The following ATOH7 variants were observed in gnomAD, a reference collection of about 807,000 sequenced individuals.
ATOH7 encodes the protein atonal bHLH transcription factor 7.
A neutral mutation model predicts 11.0 loss-of-function variants in ATOH7; 11 were observed. The observed-to-expected ratio is 1.00, with a 90% CI of 0.63 to 1.66. ATOH7 has a LOEUF of 1.66. ATOH7 is among the 40% of genes most tolerant of loss of function. ATOH7 has a pLI of 0.00. For synonymous variants in ATOH7, 98 were observed against 98.3 expected (o/e 1.00, Z 0.02); for missense variants, 232 against 219.2 (o/e 1.06, Z -0.37).
rs1589630540 is a variant in ATOH7 at position 68,231,352 on chromosome 10, A to C, written c.326T>G (p.Val109Gly). ...AERFGSERDW[V>G]GLHCEHFGRD... ...GCCGAAGTGCTCACAGTGGAGACCC[A>C]CCCAGTCCCGCTCCGAGCCGAATCG... The change falls in exon 1 of 1, where the codon GTG (valine) becomes GGG (glycine). Residue 109 changes from valine to glycine, a missense_variant. Val to Gly is a moderately radical substitution (Grantham distance 109). Coordinates refer to ENST00000373673, the MANE Select transcript of ATOH7 (RefSeq NM_145178.4). 1 of 1,613,190 alleles carries C rather than the reference A, an allele frequency of 6.2e-7. No individual in the cohort carries two copies.
rs2044022330 is a variant in ATOH7, at chr10:68,230,913, A to C, written c.*306T>G. Reference sequence around the variant, plus strand: ...AGAATAGCTTAATCCTATTTTTCTTAAGATTGTTTTCCCTCAAAGTAGCCC... The same window carrying C: ...AGAATAGCTTAATCCTATTTTTCTTCAGATTGTTTTCCCTCAAAGTAGCCC... On this transcript the variant is annotated 3_prime_UTR_variant, in exon 1 of 1. Transcript: ENST00000373673. 1 of 330,856 alleles carries C rather than the reference A, an allele frequency of 3.0e-6. No homozygotes were observed. Among genetic ancestry groups the C allele is most frequent in the Non-Finnish European group, 5.5e-6 (1 of 181,996 alleles). 20.5% of individuals were successfully genotyped at this position (330,856 alleles called of 1,614,324 possible). A position where few individuals can be genotyped will look rare whatever the true frequency, so the allele number is the denominator to read the frequency against.
Position 68,231,190 on chromosome 10 carries a change from G to A in ATOH7, c.*29C>T. 6.8e-7 allele frequency: 1 copy of A among 1,470,838 alleles called. No homozygotes were observed. The highest frequency in any genetic ancestry group is 1.4e-5 in the African/African-American group (1 of 70,352). The allele number at this position is 1,470,838 out of a possible 1,614,324, so 91.1% of individuals were successfully genotyped here. A position where few individuals can be genotyped will look rare whatever the true frequency, so the allele number is the denominator to read the frequency against. On this transcript the variant is annotated 3_prime_UTR_variant, in exon 1 of 1. Transcript: ENST00000373673. ...AGGGCCGAGGCTCGGAGCGGCTGCC[G>A]GACACCCACCCCCGCGGAGGCGCGC...
chr10:68,231,706 C>G lies in ATOH7; in HGVS notation c.-29G>C, dbSNP rs1322100825. 1 of 1,176,632 alleles carries G rather than the reference C, an allele frequency of 8.5e-7. No individual in the cohort carries two copies. The highest frequency in any genetic ancestry group is 1.6e-5 in the African/African-American group (1 of 61,946). 72.9% of individuals were successfully genotyped at this position (1,176,632 alleles called of 1,614,324 possible). On this transcript the variant is annotated 5_prime_UTR_variant, in exon 1 of 1. Coordinates refer to ENST00000373673, the MANE Select transcript of ATOH7 (RefSeq NM_145178.4). Reference sequence around the variant, plus strand: ...CGGCCCCAAGCAGCGAGGCGCCGACCTCGCACGCCCGCCCGCTCAGGACCT... The same window carrying G: ...CGGCCCCAAGCAGCGAGGCGCCGACGTCGCACGCCCGCCCGCTCAGGACCT...
Position 68,231,062 on chromosome 10 carries a change from G to A in ATOH7, c.*157C>T. On this transcript the variant is annotated 3_prime_UTR_variant, in exon 1 of 1. Transcript: ENST00000373673. ...GGCAATTAAATGATTGCGTCCATAG[G>A]TCTGATGATGCGAATAAAGGTAATC... 2 of 689,012 alleles carry A rather than the reference G, an allele frequency of 2.9e-6. No homozygotes were observed. Among genetic ancestry groups the A allele is most frequent in the Non-Finnish European group, 4.5e-6 (2 of 448,246 alleles). 42.7% of individuals were successfully genotyped at this position (689,012 alleles called of 1,614,324 possible). A position where few individuals can be genotyped will look rare whatever the true frequency, so the allele number is the denominator to read the frequency against.
rs768962996 is a variant in ATOH7 at position 68,231,334 on chromosome 10, T to C, written c.344A>G (p.His115Arg). ...CGGGAGGTAGTGGTCGCGGCCGAAG[T>C]GCTCACAGTGGAGACCCACCCAGTC... ...ERDWVGLHCE[H>R]FGRDHYLPFP... Residue 115 changes from histidine to arginine, a missense_variant, in exon 1 of 1, where the codon CAC (histidine) becomes CGC (arginine). Physicochemically the swap from His to Arg is conservative, Grantham distance 29. Coordinates refer to ENST00000373673, the MANE Select transcript of ATOH7 (RefSeq NM_145178.4). 1 of 1,613,238 alleles carries C rather than the reference T, an allele frequency of 6.2e-7. No individual in the cohort carries two copies. The highest frequency in any genetic ancestry group is 1.3e-5 in the African/African-American group (1 of 75,022).
chr10:68,231,432 C>T lies in ATOH7; in HGVS notation c.246G>A (p.Leu82=), dbSNP rs1029820465. Residue 82 remains leucine (L), a synonymous_variant, in exon 1 of 1, where the codon CTG becomes CTA. Coordinates refer to ENST00000373673, the MANE Select transcript of ATOH7 (RefSeq NM_145178.4). ...QDKKLSKYET[L]QMALSYIMAL... The stretch of plus-strand genomic sequence containing the variant: ...CCATGATGTAGCTCAGGGCCATCTG[C>T]AGGGTCTCGTACTTGGACAGCTTTT... The T allele has an allele frequency of 1.1e-5, 18 of 1,613,398 alleles. No homozygotes were observed. Among genetic ancestry groups the T allele is most frequent in the Non-Finnish European group, 1.5e-5 (18 of 1,179,778 alleles).
Position 68,231,340 on chromosome 10 carries a change from C to G in ATOH7, c.338G>C (p.Cys113Ser). 1 of 1,613,406 alleles carries G rather than the reference C, an allele frequency of 6.2e-7. No homozygotes were observed. Residue 113 changes from cysteine (C) to serine (S), a missense_variant, in exon 1 of 1, where the codon TGT becomes TCT. Transcript: ENST00000373673. ...GSERDWVGLH[C>S]EHFGRDHYLP... ...GTAGTGGTCGCGGCCGAAGTGCTCA[C>G]AGTGGAGACCCACCCAGTCCCGCTC...
rs376033950 is a variant in ATOH7 at position 68,231,512 on chromosome 10, G to A, written c.166C>T (p.Leu56Phe). ...CGTAAGCGGTCGAAGGCAGTGTTGA[G>A]CCCCTGCATGCGGCGGCGCTCGCGC... ...NARERRRMQG[L>F]NTAFDRLRRV... The change falls in exon 1 of 1, where the codon CTC (leucine) becomes TTC (phenylalanine). Residue 56 changes from leucine (L) to phenylalanine (F), a missense_variant. Physicochemically the swap from Leu to Phe is conservative, Grantham distance 22 (BLOSUM62 0). Transcript: ENST00000373673. The A allele has an allele frequency of 1.7e-5, 24 of 1,394,552 alleles. No individual in the cohort carries two copies. The highest frequency in any genetic ancestry group is 1.6e-4 in the Admixed American group (6 of 38,420). The allele number at this position is 1,394,552 out of a possible 1,614,324, so 86.4% of individuals were successfully genotyped here.
Position 68,231,223 on chromosome 10 carries a change from G to C in ATOH7, c.455C>G (p.Thr152Ser), listed in dbSNP as rs555446400. ...GFQPEPFQMA[T>S] is the part of the protein sequence containing the mutation. Reference sequence around the variant, plus strand: ...ACCCCCGCGGAGGCGCGCGCCCTAGGTGGCCATCTGGAAGGGCTCGGGCTG... The same window carrying C: ...ACCCCCGCGGAGGCGCGCGCCCTAGCTGGCCATCTGGAAGGGCTCGGGCTG... The change falls in exon 1 of 1, where the codon ACC (threonine) becomes AGC (serine). Residue 152 changes from threonine to serine, a missense_variant. Physicochemically the swap from Thr to Ser is moderately conservative, Grantham distance 58. Transcript: ENST00000373673. The C allele has an allele frequency of 6.5e-7, 1 of 1,535,654 alleles. No individual in the cohort carries two copies. Among genetic ancestry groups the C allele is most frequent in the Non-Finnish European group, 8.8e-7 (1 of 1,140,896 alleles).
rs201955526 is a variant in ATOH7 at position 68,231,342 on chromosome 10, G to C, written c.336C>G (p.His112Gln). 6.2e-7 allele frequency: 1 copy of C among 1,613,446 alleles called. No individual in the cohort carries two copies. Among genetic ancestry groups the C allele is most frequent in the Admixed American group, 1.7e-5 (1 of 59,972 alleles). ...AGTGGTCGCGGCCGAAGTGCTCACA[G>C]TGGAGACCCACCCAGTCCCGCTCCG... ...FGSERDWVGL[H>Q]CEHFGRDHYL... is the part of the protein sequence containing the mutation. The change falls in exon 1 of 1, where the codon CAC becomes CAG. Residue 112 changes from histidine (H) to glutamine (Q), a missense_variant. Transcript: ENST00000373673.
chr10:68,231,080 A>C lies in ATOH7; in HGVS notation c.*139T>G. On this transcript the variant is annotated 3_prime_UTR_variant, in exon 1 of 1. Coordinates refer to ENST00000373673, the MANE Select transcript of ATOH7 (RefSeq NM_145178.4). The stretch of plus-strand genomic sequence containing the variant: ...TCCATAGGTCTGATGATGCGAATAA[A>C]GGTAATCTGAGAATCGACTAATTTT... 1 of 823,038 alleles carries C rather than the reference A, an allele frequency of 1.2e-6. No individual in the cohort carries two copies. Among genetic ancestry groups the C allele is most frequent in the East Asian group, 3.1e-5 (1 of 32,164 alleles). The allele number at this position is 823,038 out of a possible 1,614,324, so 51.0% of individuals were successfully genotyped here.
chr10:68,231,844 C>T lies in ATOH7; in HGVS notation c.-167G>A. 3.0e-6 allele frequency: 1 copy of T among 336,232 alleles called. No individual in the cohort carries two copies. Among genetic ancestry groups the T allele is most frequent in the Non-Finnish European group, 4.9e-6 (1 of 204,576 alleles). The allele number at this position is 336,232 out of a possible 1,614,324, so 20.8% of individuals were successfully genotyped here. On this transcript the variant is annotated 5_prime_UTR_variant, in exon 1 of 1. Transcript: ENST00000373673. Reference sequence around the variant, plus strand: ...TAGTTTACAGTGGGGGAGTGCGGGACTCGGCCTTCTGTTCTACTGGATGAC... The same window carrying T: ...TAGTTTACAGTGGGGGAGTGCGGGATTCGGCCTTCTGTTCTACTGGATGAC...
rs1302094144 is a variant in ATOH7 at position 68,230,649 on chromosome 10, T to C, written c.*570A>G. On this transcript the variant is annotated 3_prime_UTR_variant, in exon 1 of 1. Transcript: ENST00000373673. ...TTTATATTTTATAAAATGTATATTT[T>C]AATAATGTGTACACAGTTTAAAAAA... is the stretch of plus-strand genomic sequence containing the variant. The C allele has an allele frequency of 6.6e-6, 1 of 152,192 alleles. No homozygotes were observed. The highest frequency in any genetic ancestry group is 2.4e-5 in the African/African-American group (1 of 41,446). The allele number at this position is 152,192 out of a possible 1,614,324, so 9.4% of individuals were successfully genotyped here. A position where few individuals can be genotyped will look rare whatever the true frequency, so the allele number is the denominator to read the frequency against.
rs2044029294 is a variant in ATOH7 at position 68,231,755 on chromosome 10, C to A, written c.-78G>T. On this transcript the variant is annotated 5_prime_UTR_variant, in exon 1 of 1. Coordinates refer to ENST00000373673, the MANE Select transcript of ATOH7 (RefSeq NM_145178.4). ...CTGCGCGTGGGCTGGTCTCTCGAGC[C>A]GCTTCCCAACGTGCCTCTTCTGAGC... 1.3e-5 allele frequency: 12 copies of A among 955,422 alleles called. No homozygotes were observed. Among genetic ancestry groups the A allele is most frequent in the South Asian group, 5.1e-5 (1 of 19,774 alleles). The allele number at this position is 955,422 out of a possible 1,614,324, so 59.2% of individuals were successfully genotyped here.
chr10:68,231,255 G>A lies in ATOH7; in HGVS notation c.423C>T (p.Phe141=). Residue 141 remains phenylalanine (F), a synonymous_variant, in exon 1 of 1, where the codon TTC becomes TTT. Transcript: ENST00000373673. ...GESELYSQRL[F]GFQPEPFQMA... ...TCTGGAAGGGCTCGGGCTGGAAGCC[G>A]AAGAGTCTCTGGCTGTACAGCTCGC... 2 of 1,578,540 alleles carry A rather than the reference G, an allele frequency of 1.3e-6. No homozygotes were observed. Among genetic ancestry groups the A allele is most frequent in the East Asian group, 2.4e-5 (1 of 42,206 alleles).
Position 68,231,325 on chromosome 10 carries a change from C to T in ATOH7, c.353G>A (p.Arg118His), listed in dbSNP as rs1397317385. ...GCCCGGGAACGGGAGGTAGTGGTCG[C>T]GGCCGAAGTGCTCACAGTGGAGACC... is the stretch of plus-strand genomic sequence containing the variant. ...WVGLHCEHFGRDHYLPFPGAK... is the reference protein window; with the variant it reads ...WVGLHCEHFGHDHYLPFPGAK... Residue 118 changes from arginine to histidine, a missense_variant, in exon 1 of 1, where the codon CGC (arginine) becomes CAC (histidine). Physicochemically the swap from Arg to His is conservative, Grantham distance 29. Coordinates refer to ENST00000373673, the MANE Select transcript of ATOH7 (RefSeq NM_145178.4). The T allele has an allele frequency of 9.9e-6, 16 of 1,612,748 alleles. No individual in the cohort carries two copies. Among genetic ancestry groups the T allele is most frequent in the East Asian group, 2.2e-5 (1 of 44,820 alleles).
rs770514524 is a variant in ATOH7, at chr10:68,231,245, G to C, written c.433C>G (p.Pro145Ala). 7 of 1,567,608 alleles carry C rather than the reference G, an allele frequency of 4.5e-6. No homozygotes were observed. In the Admixed American group the frequency reaches 5.3e-5, roughly 12 times the overall value. ...LYSQRLFGFQ[P>A]EPFQMAT Reference sequence around the variant, plus strand: ...TAGGTGGCCATCTGGAAGGGCTCGGGCTGGAAGCCGAAGAGTCTCTGGCTG... The same window carrying C: ...TAGGTGGCCATCTGGAAGGGCTCGGCCTGGAAGCCGAAGAGTCTCTGGCTG... The change falls in exon 1 of 1, where the codon CCC becomes GCC. Residue 145 changes from proline to alanine, a missense_variant. Transcript: ENST00000373673.
chr10:68,231,833 G>A lies in ATOH7; in HGVS notation c.-156C>T. 2.6e-6 allele frequency: 1 copy of A among 384,492 alleles called. No homozygotes were observed. Among genetic ancestry groups the A allele is most frequent in the East Asian group, 8.1e-5 (1 of 12,344 alleles). The allele number at this position is 384,492 out of a possible 1,614,324, so 23.8% of individuals were successfully genotyped here. Reference sequence around the variant, plus strand: ...GTGCAATCAAATAGTTTACAGTGGGGGAGTGCGGGACTCGGCCTTCTGTTC... The same window carrying A: ...GTGCAATCAAATAGTTTACAGTGGGAGAGTGCGGGACTCGGCCTTCTGTTC... On this transcript the variant is annotated 5_prime_UTR_variant, in exon 1 of 1. Transcript: ENST00000373673.
chr10:68,231,487 C>A lies in ATOH7; in HGVS notation c.191G>T (p.Arg64Leu). 5 of 1,595,160 alleles carry A rather than the reference C, an allele frequency of 3.1e-6. No individual in the cohort carries two copies. Among genetic ancestry groups the A allele is most frequent in the Non-Finnish European group, 3.4e-6 (4 of 1,171,192 alleles). ...CTGGCCCCACTGGGGAACCACCCTG[C>A]GTAAGCGGTCGAAGGCAGTGTTGAG... is the stretch of plus-strand genomic sequence containing the variant. ...QGLNTAFDRL[R>L]RVVPQWGQDK... is the part of the protein sequence containing the mutation. Residue 64 changes from arginine to leucine, a missense_variant, in exon 1 of 1, where the codon CGC becomes CTC. Arg to Leu is a moderately radical substitution (Grantham distance 102). Coordinates refer to ENST00000373673, the MANE Select transcript of ATOH7 (RefSeq NM_145178.4).
Sources: allele counts gnomAD v4.1 joint callset, GRCh38; gene constraint gnomAD v4.1.1; transcripts MANE v1.5; gene names NCBI Gene and HGNC (gene_info 2026-07-23, HGNC 2026-07-21).